PTPRN2: variants seen among roughly 807,000 people sequenced by gnomAD.
PTPRN2 encodes receptor-type tyrosine-protein phosphatase N2.
Under a neutral mutation model 118.8 loss-of-function variants are expected in PTPRN2, and 74 were observed. The ratio of observed to expected loss-of-function variants is 0.62; its 90% CI spans 0.52 to 0.76. The LOEUF is 0.76. PTPRN2 is among the 30% of genes least tolerant of loss of function. The pLI, the probability that PTPRN2 is intolerant of heterozygous loss-of-function variation, is 0.00. For missense variants in PTPRN2, 1,481 were observed against 1,394.4 expected (o/e 1.06, Z -0.99); for synonymous variants, 641 against 608.0 (o/e 1.05, Z -0.80).
intron 9 of PTPRN2, among the ~76,000 whole-genome samples, chr7:158,121,836 G>A (rs1417215587): frequency 9.2e-5 from 14 of 152,312 alleles, no homozygotes; most frequent in Admixed American, 3.3e-4. Context: ...TGACAGTGCC[G>A]GCCAGGTGGG....
chr7:157,734,931 C>G (rs551651625), intron 12 of PTPRN2, among the ~76,000 whole-genome samples: 1 of 152,220 alleles, frequency 6.6e-6, no homozygotes, highest in African/African-American at 2.4e-5. Flanking sequence ...ATGGAGGAAA[C>G]GCGCACACAC....
intron 3 of PTPRN2, among the ~76,000 whole-genome samples, chr7:158,309,954 C>T (rs973434145): frequency 3.3e-5 from 5 of 152,130 alleles, no homozygotes; most frequent in Admixed American, 6.5e-5. Flanking sequence ...GATCCCAGAG[C>T]GCTCCCTTGC....
In PTPRN2 at chr7:157,603,863, G is replaced by T; in HGVS notation, c.2418+139C>A. On this transcript the variant is annotated intron_variant, in intron 16 of 22. Coordinates refer to ENST00000389418, the MANE Select transcript of PTPRN2 (RefSeq NM_002847.5). This position sits in a 1 kb window ranked among gnomAD's most constrained non-coding sequence, Gnocchi z 5.4. ...ACAGGGGAGTGGCGGGAGCCCAATG[G>T]GCAGAGTCGGCCCTGTCCACCGCAG... 1.3e-6 allele frequency: 1 copy of T among 780,452 alleles called. No homozygotes were observed. Among genetic ancestry groups the T allele is most frequent in the East Asian group, 2.7e-5 (1 of 37,248 alleles). The allele number at this position is 780,452 out of a possible 1,614,324, so 48.3% of individuals were successfully genotyped here. A position where few individuals can be genotyped will look rare whatever the true frequency, so the allele number is the denominator to read the frequency against.
intron 17 of PTPRN2, 108 bp downstream of exon 17, chr7:157,595,130 G>T: frequency 2.1e-6 from 2 of 961,070 alleles, no homozygotes; most frequent in Non-Finnish European, 3.3e-6. Flanking sequence ...CATTTGATGA[G>T]CATTTGTAAG....
chr7:158,552,144 A>AG (rs1826695909), intron 1 of PTPRN2, among the ~76,000 whole-genome samples: 1 of 97,604 alleles, frequency 1.0e-5, no homozygotes, highest in South Asian at 3.8e-4. Flanking sequence ...CCATTGCATC[A>AG]GGGTGGGGCT....
chr7:158,197,844 C>G (rs1289485444), intron 4 of PTPRN2, among the ~76,000 whole-genome samples: 1 of 152,198 alleles, frequency 6.6e-6, no homozygotes, highest in African/African-American at 2.4e-5. Context: ...GATTCAATTA[C>G]CTCCCACTGG....
intron 2 of PTPRN2, among the ~76,000 whole-genome samples, chr7:158,461,753 T>C (rs1165837232): frequency 6.6e-6 from 1 of 152,256 alleles, no homozygotes; most frequent in Non-Finnish European, 1.5e-5. Context: ...TGTTCCCTGC[T>C]ATGCTTGGTC....
chr7:157,766,687 C>A (rs942155798), intron 12 of PTPRN2, among the ~76,000 whole-genome samples: 2 of 152,208 alleles, frequency 1.3e-5, no homozygotes, highest in African/African-American at 4.8e-5. Flanking sequence ...CACTAAGGTA[C>A]CCAGAACTGC....
rs75127652 is a variant in PTPRN2, at chr7:158,209,749, T to C, written c.278-4476A>G. ...TCAATGGCTATGAAATCCACATTCT[T>C]CTCCTCAACACATGAATAATTCTCA... On this transcript the variant is annotated intron_variant, in intron 3 of 22. Transcript: ENST00000389418. Among the ~76,000 whole-genome samples the C allele has an allele frequency of 8.9e-3, 1,350 of 152,262 alleles. 25 individuals are homozygous for C. The highest frequency in any genetic ancestry group is 0.031 in the African/African-American group (1,278 of 41,550).
At chr7:157,866,737 T>A (rs1055786064) in intron 12 of PTPRN2, among the ~76,000 whole-genome samples, 19 of 151,748 alleles carry the variant, frequency 1.3e-4, no homozygotes, top group African/African-American at 4.1e-4. Context: ...GCAGTGCCTG[T>A]GCCCCGAGAT....
chr7:157,965,268 C>T (rs1446825716), intron 11 of PTPRN2, among the ~76,000 whole-genome samples: 1 of 152,178 alleles, frequency 6.6e-6, no homozygotes, highest in Non-Finnish European at 1.5e-5. Flanking sequence ...AGTGTAACCC[C>T]TCTGAAGTCA....
intron 12 of PTPRN2, chr7:157,864,860 C>T (rs1394403512): frequency 2.0e-5 from 3 of 152,394 alleles, no homozygotes; most frequent in East Asian, 1.9e-4. Flanking sequence ...TCCTCTGTGC[C>T]TGAACCTGCA....
chr7:157,644,448 C>A (rs1054377603), intron 14 of PTPRN2, among the ~76,000 whole-genome samples: 8 of 152,192 alleles, frequency 5.3e-5, no homozygotes, highest in African/African-American at 1.9e-4. Context: ...GGTCCACAGA[C>A]CTCACATAGC....
intron 17 of PTPRN2, among the ~76,000 whole-genome samples, chr7:157,579,029 T>C (rs1800209148): frequency 1.3e-5 from 1 of 74,526 alleles, no homozygotes; most frequent in South Asian, 6.5e-4. Flanking sequence ...TTTCTATTTC[T>C]TTTAAAAACA....
intron 11 of PTPRN2, among the ~76,000 whole-genome samples, chr7:157,975,248 A>G (rs1025925611): frequency 6.6e-6 from 1 of 151,940 alleles, no homozygotes; most frequent in African/African-American, 2.4e-5. Context: ...CATGATTCCA[A>G]CCACTGGATC....
intron 3 of PTPRN2, among the ~76,000 whole-genome samples, chr7:158,250,123 G>C (rs775790011): frequency 7.9e-5 from 12 of 152,194 alleles, no homozygotes; most frequent in Non-Finnish European, 1.5e-4. Context: ...AGCTCTAAAT[G>C]CTTCACATAT....
intron 12 of PTPRN2, among the ~76,000 whole-genome samples, chr7:157,749,345 T>C (rs1212913300): frequency 3.7e-5 from 5 of 135,594 alleles, no homozygotes; most frequent in African/African-American, 1.4e-4. Context: ...CCTGCGTCCC[T>C]GAGCTACAGG....
intron 11 of PTPRN2, among the ~76,000 whole-genome samples, chr7:158,078,446 C>T (rs776335065): frequency 6.6e-6 from 1 of 152,248 alleles, no homozygotes; most frequent in Non-Finnish European, 1.5e-5. Context: ...AGGTGTCCGC[C>T]CATCACCACA....
At position 157,632,890 on chromosome 7, in the gene PTPRN2, C is replaced by CAA. The variant is rs1337739128; in HGVS notation, c.2197-11383_2197-11382dup. Among the ~76,000 whole-genome samples, 1 of 152,050 alleles carries CAA rather than the reference C, an allele frequency of 6.6e-6. No homozygotes were observed. Among genetic ancestry groups the CAA allele is most frequent in the African/African-American group, 2.4e-5 (1 of 41,402 alleles). The stretch of plus-strand genomic sequence containing the variant: ...CAGCTATTAATATTTAAATTTAGGG[C>CAA]AAAAGAGGTCTGCTTGGCATTCTAA... On this transcript the variant is annotated intron_variant, in intron 14 of 22. Coordinates refer to ENST00000389418, the MANE Select transcript of PTPRN2 (RefSeq NM_002847.5). This position sits in a 1 kb window ranked among gnomAD's most constrained non-coding sequence, Gnocchi z 4.3.
Sources: allele counts gnomAD v4.1 joint callset (sites outside exome capture counted in the v4.1 genomes callset), GRCh38; gene constraint gnomAD v4.1.1; non-coding constraint Gnocchi (gnomAD v3.1); transcripts MANE v1.5; gene names NCBI Gene and HGNC (gene_info 2026-07-23, HGNC 2026-07-21).